FGFR1OP2: variants seen among roughly 807,000 people sequenced by gnomAD.
FGFR1OP2 encodes fibroblast growth factor receptor 1 oncogene partner 2.
FGFR1OP2 carries 17 observed loss-of-function variants against 35.2 expected under a neutral mutation model. The observed-to-expected ratio is 0.48, with a 90% CI of 0.33 to 0.73. FGFR1OP2 has a LOEUF of 0.73. Among genes scored for constraint, FGFR1OP2 ranks in the 30% least tolerant of loss-of-function variants. The probability of loss-of-function intolerance (pLI) is 0.02; values close to 1 mark genes in which losing one functional copy is unlikely to be tolerated. For synonymous variants in FGFR1OP2, 105 were observed against 104.6 expected (o/e 1.00, Z -0.03); for missense variants, 251 against 307.3 (o/e 0.82, Z 1.37).
In FGFR1OP2 at chr12:26,965,942, G is replaced by A. The variant is rs1939171112; in HGVS notation, c.*1209G>A. On this transcript the variant is annotated 3_prime_UTR_variant, in exon 7 of 7. Coordinates refer to ENST00000229395, the MANE Select transcript of FGFR1OP2 (RefSeq NM_015633.3). ...ATTGTATTAAAAAGGGATAAAAGAA[G>A]AGTGTCAAACATGGTTAAATATATT... 6.6e-6 allele frequency: 1 copy of A among 152,038 alleles called. No homozygotes were observed. The allele number at this position is 152,038 out of a possible 1,614,324, so 9.4% of individuals were successfully genotyped here.
intron 1 of FGFR1OP2, among the ~76,000 whole-genome samples, chr12:26,949,513 T>C (rs1938882670): frequency 6.6e-6 from 1 of 152,054 alleles, no homozygotes; most frequent in Non-Finnish European, 1.5e-5. Context: ...AGTTTTCCCA[T>C]TCGTGTTTAA....
chr12:26,948,675 A>G (rs1325596667), intron 1 of FGFR1OP2, among the ~76,000 whole-genome samples: 1 of 152,244 alleles, frequency 6.6e-6, no homozygotes, highest in Non-Finnish European at 1.5e-5. Flanking sequence ...GATGAAGACA[A>G]GGTTTCTTAG....
At chr12:26,959,526 C>A (rs1037923321) in intron 4 of FGFR1OP2, among the ~76,000 whole-genome samples, 1 of 152,134 alleles carries the variant, frequency 6.6e-6, no homozygotes, top group African/African-American at 2.4e-5. Flanking sequence ...CTATAGCTTG[C>A]AGGTCCCATC....
intron 1 of FGFR1OP2, among the ~76,000 whole-genome samples, chr12:26,943,063 G>A (rs117008822): frequency 6.6e-6 from 1 of 152,076 alleles, no homozygotes; most frequent in East Asian, 1.9e-4. Context: ...TTTCCTGAAA[G>A]TGTTATTGTT....
intron 1 of FGFR1OP2, among the ~76,000 whole-genome samples, chr12:26,942,177 C>T (rs1214167343): frequency 1.3e-5 from 2 of 152,318 alleles, no homozygotes; most frequent in East Asian, 1.9e-4. Flanking sequence ...GGATTACAGG[C>T]GTGCGCCACC....
intron 1 of FGFR1OP2, among the ~76,000 whole-genome samples, chr12:26,940,244 A>T (rs1199703962): frequency 6.6e-6 from 1 of 152,212 alleles, no homozygotes; most frequent in East Asian, 1.9e-4. Context: ...GAACATATGT[A>T]TGTGAAACTT....
chr12:26,952,574 C>T (rs886196703), intron 1 of FGFR1OP2, among the ~76,000 whole-genome samples: 7 of 151,752 alleles, frequency 4.6e-5, no homozygotes, highest in Non-Finnish European at 1.0e-4. Context: ...TCTAAATTGG[C>T]GATTTAAATA....
chr12:26,938,827 C>T (rs926621401), intron 1 of FGFR1OP2, 117 bp downstream of exon 1: 3 of 152,244 alleles, frequency 2.0e-5, no homozygotes, highest in African/African-American at 7.2e-5. Context: ...CGGCGCCCGG[C>T]CCTGTCCGCT....
intron 1 of FGFR1OP2, among the ~76,000 whole-genome samples, chr12:26,945,336 T>C (rs1938802960): frequency 6.6e-6 from 1 of 152,220 alleles, no homozygotes; most frequent in Non-Finnish European, 1.5e-5. Flanking sequence ...TTTTCTAATA[T>C]AAACATTTAA....
At chr12:26,940,050 G>T (rs941738179) in intron 1 of FGFR1OP2, among the ~76,000 whole-genome samples, 1 of 152,188 alleles carries the variant, frequency 6.6e-6, no homozygotes, top group African/African-American at 2.4e-5. Context: ...GCTTTTAAAT[G>T]ATTTTGTATT....
At chr12:26,963,026 C>T in intron 5 of FGFR1OP2, 1 of 179,870 alleles carries the variant, frequency 5.6e-6, no homozygotes, top group Non-Finnish European at 1.2e-5. Context: ...TTACTTTGAA[C>T]AATAGTGTAT....
At chr12:26,957,444 C>T (rs990153243) in intron 3 of FGFR1OP2, among the ~76,000 whole-genome samples, 157 bp from the exon 4 acceptor site, 8 of 152,064 alleles carry the variant, frequency 5.3e-5, no homozygotes, top group African/African-American at 1.4e-4. Context: ...AAAACTAATA[C>T]GGGACTTCAT....
chr12:26,955,101 T>A (rs1447945845), intron 2 of FGFR1OP2, among the ~76,000 whole-genome samples: 3 of 152,188 alleles, frequency 2.0e-5, no homozygotes, highest in Non-Finnish European at 4.4e-5. Flanking sequence ...TTTACCTGCA[T>A]CCCTAACCAA....
intron 5 of FGFR1OP2, 50 bp from the exon 6 acceptor site, chr12:26,963,292 A>G (rs377177709): frequency 2.2e-4 from 287 of 1,286,270 alleles, no homozygotes; most frequent in Non-Finnish European, 2.9e-4. Context: ...AGAGGATCCA[A>G]AAATAAAAAA....
At chr12:26,943,109 G>A (rs1446180686) in intron 1 of FGFR1OP2, among the ~76,000 whole-genome samples, 1 of 152,068 alleles carries the variant, frequency 6.6e-6, no homozygotes, top group African/African-American at 2.4e-5. Flanking sequence ...TCCATTTTGA[G>A]TTAATTTTTG....
intron 2 of FGFR1OP2, among the ~76,000 whole-genome samples, chr12:26,954,777 C>G (rs1213915354): frequency 6.6e-6 from 1 of 152,128 alleles, no homozygotes. Flanking sequence ...TCATTCAGTG[C>G]TACCAATTAA....
chr12:26,953,162 G>T (rs1480059909), intron 1 of FGFR1OP2, among the ~76,000 whole-genome samples: 1 of 151,614 alleles, frequency 6.6e-6, no homozygotes, highest in African/African-American at 2.4e-5. Flanking sequence ...TACTCGGGAG[G>T]CTGAGGCAGG....
At position 26,957,687 on chromosome 12, in the gene FGFR1OP2, G is replaced by T. The variant is rs1939044704; in HGVS notation, c.340G>T (p.Ala114Ser). 6.2e-7 allele frequency: 1 copy of T among 1,613,330 alleles called. No homozygotes were observed. Among genetic ancestry groups the T allele is most frequent in the East Asian group, 2.2e-5 (1 of 44,790 alleles). Reference sequence around the variant, plus strand: ...AGAACAAATGTTTAGATTGCTAATGGCTAGCAAAAAAGATGATCCGGGTAT... The same window carrying T: ...AGAACAAATGTTTAGATTGCTAATGTCTAGCAAAAAAGATGATCCGGGTAT... ...YREQMFRLLM[A>S]SKKDDPGIIM... Residue 114 changes from alanine to serine, a missense_variant, in exon 4 of 7, where the codon GCT (alanine) becomes TCT (serine). Transcript: ENST00000229395.
chr12:26,959,368 C>T (rs1017780489), intron 4 of FGFR1OP2, among the ~76,000 whole-genome samples: 6 of 151,792 alleles, frequency 4.0e-5, no homozygotes, highest in African/African-American at 1.5e-4. Context: ...TTTAAAGGCA[C>T]TAAAAGGAGT....
Sources: gnomAD v4.1 joint callset for allele counts (sites outside exome capture counted in the v4.1 genomes callset) on GRCh38, gnomAD v4.1.1 for gene constraint, MANE v1.5 for transcripts, NCBI Gene and HGNC (gene_info 2026-07-23, HGNC 2026-07-21) for gene names.